The following CIMAP1A variants were observed in gnomAD, a reference collection of about 807,000 sequenced individuals.
CIMAP1A encodes ciliary microtubule associated protein 1A.
the CIMAP1A span, chr11:197,741 C>T: frequency 6.2e-7 from 1 of 1,613,686 alleles, no homozygotes; most frequent in African/African-American, 1.3e-5. Context: ...CAAACCAAGA[C>T]CATGCTGACT....
the CIMAP1A span, chr11:197,768 G>T: frequency 6.2e-7 from 1 of 1,612,948 alleles, no homozygotes; most frequent in South Asian, 1.1e-5. Context: ...CCAGGTTAGT[G>T]ACCCTGTCTC....
chr11:197,418 G>A, the CIMAP1A span: 49 of 1,599,170 alleles, frequency 3.1e-5, no homozygotes, highest in Non-Finnish European at 3.8e-5. Flanking sequence ...CAACAGGTAA[G>A]AGCCTGAGAG....
the CIMAP1A span, chr11:197,955 G>A: frequency 2.0e-5 from 31 of 1,521,826 alleles, no homozygotes; most frequent in Middle Eastern, 1.7e-4. Context: ...GTCCAGCTCC[G>A]ACCTGGACCT....
the CIMAP1A span, chr11:199,964 C>G: frequency 6.2e-7 from 1 of 1,613,990 alleles, no homozygotes; most frequent in Admixed American, 1.7e-5. Flanking sequence ...CCAAGCCCTG[C>G]GCCCCAGTTG....
chr11:198,022 T>C, the CIMAP1A span: 1 of 1,538,510 alleles, frequency 6.5e-7, no homozygotes, highest in Admixed American at 2.0e-5. Context: ...AGCCTTTGTC[T>C]CACCAGCCCT....
the CIMAP1A span, chr11:199,392 C>A: frequency 6.3e-7 from 1 of 1,574,880 alleles, no homozygotes; most frequent in Non-Finnish European, 8.6e-7. Flanking sequence ...CAGCCTACCG[C>A]CAAACTGATG....
At chr11:198,552 C>T in the CIMAP1A span, 2 of 1,611,390 alleles carry the variant, frequency 1.2e-6, no homozygotes, top group Non-Finnish European at 8.5e-7. Context: ...AGGGCCGCAG[C>T]AAGCTGGGCG....
the CIMAP1A span, chr11:198,993 G>C: frequency 4.2e-6 from 5 of 1,187,358 alleles, no homozygotes; most frequent in Non-Finnish European, 5.2e-6. Context: ...AGCTTGAGGG[G>C]CCTGAGATGG....
the CIMAP1A span, chr11:198,537 C>A: frequency 6.2e-7 from 1 of 1,612,772 alleles, no homozygotes; most frequent in Non-Finnish European, 8.5e-7. Flanking sequence ...CCTCCTTTTC[C>A]ATCAAGGGCC....
the CIMAP1A span, chr11:197,672 C>A: frequency 2.5e-6 from 4 of 1,613,620 alleles, no homozygotes; most frequent in East Asian, 8.9e-5. Flanking sequence ...AATGTAAACC[C>A]CAAGATACTG....
chr11:198,735 G>A, the CIMAP1A span: 1 of 1,465,094 alleles, frequency 6.8e-7, no homozygotes. Context: ...ACGTGCTGGG[G>A]TTACACTGCA....
the CIMAP1A span, chr11:198,400 G>A: frequency 6.2e-7 from 1 of 1,613,168 alleles, no homozygotes; most frequent in Non-Finnish European, 8.5e-7. Flanking sequence ...CAGAGTTGGG[G>A]GAGAGCCCCA....
the CIMAP1A span, chr11:200,098 G>A: frequency 2.5e-5 from 39 of 1,560,506 alleles, no homozygotes; most frequent in South Asian, 3.4e-5. Context: ...CACAGAGCTC[G>A]AGGCTGTCTT....
chr11:199,457 C>T, the CIMAP1A span: 1 of 1,563,580 alleles, frequency 6.4e-7, no homozygotes, highest in Non-Finnish European at 8.7e-7. Flanking sequence ...CGTGTGGAGC[C>T]CCCAGGGGAC....
chr11:199,554 C>G, the CIMAP1A span: 18 of 1,536,926 alleles, frequency 1.2e-5, no homozygotes, highest in Non-Finnish European at 1.4e-5. Context: ...GGGGCAGGGT[C>G]CTGGCCCAGA....
At chr11:198,684 C>A in the CIMAP1A span, 1 of 1,506,516 alleles carries the variant, frequency 6.6e-7, no homozygotes, top group East Asian at 2.3e-5. Context: ...CTTGCCAATG[C>A]CCCTCAGCCC....
At chr11:200,020 T>C in the CIMAP1A span, 1,134 of 1,613,870 alleles carry the variant, frequency 7.0e-4, no homozygotes, top group Non-Finnish European at 9.1e-4. Flanking sequence ...CCCCTGCTGG[T>C]TGATGTGGAA....
chr11:197,611 C>T, the CIMAP1A span: 2 of 1,613,478 alleles, frequency 1.2e-6, no homozygotes, highest in Non-Finnish European at 1.7e-6. Flanking sequence ...CTACAGCTTC[C>T]GTGGGGCCCC....
chr11:198,651 A>G, the CIMAP1A span: 1 of 1,544,550 alleles, frequency 6.5e-7, no homozygotes, highest in African/African-American at 1.4e-5. Flanking sequence ...CCCGGAACCC[A>G]GGACCCACCA....
Sources: allele counts gnomAD v4.1 joint callset, GRCh38; gene constraint gnomAD v4.1.1; transcripts MANE v1.5; gene names NCBI Gene and HGNC (gene_info 2026-07-23, HGNC 2026-07-21).